Variants in BMP2 observed in about 807,000 individuals in gnomAD.
BMP2 encodes the protein bone morphogenetic protein 2, also known as bone morphogenetic protein 2A.
BMP2 carries 2 observed loss-of-function variants against 28.8 expected under a neutral mutation model. The ratio of observed to expected loss-of-function variants is 0.07; its 90% CI spans 0.03 to 0.22. The LOEUF (loss-of-function observed/expected upper bound fraction) is 0.22. BMP2 is among the 10% of genes least tolerant of loss of function. The probability of loss-of-function intolerance (pLI) is 1.00; values close to 1 mark genes in which losing one functional copy is unlikely to be tolerated. For synonymous variants in BMP2, 218 were observed against 204.3 expected, an observed-to-expected ratio of 1.07 and a Z score of -0.57; for missense variants, 437 against 517.7, an observed-to-expected ratio of 0.84 and a Z score of 1.51.
At chr20:6,774,362 C>T (rs13043599) in intron 2 of BMP2, among the ~76,000 whole-genome samples, 8,272 of 152,050 alleles carry the variant, frequency 0.054, 316 homozygotes, top group Admixed American at 0.11. Flanking sequence ...CACATCTCTA[C>T]TAAAATATAA....
At position 6,770,211 on chromosome 20, in the gene BMP2, G is replaced by A. The variant is rs1266876327; in HGVS notation, c.85G>A (p.Gly29Ser). Residue 29 changes from glycine to serine, a missense_variant, in exon 2 of 3, where the codon GGC becomes AGC. Around this residue, in one of 2 missense-constraint regions of BMP2, gnomAD observed 363 missense variants for 392.8 expected, o/e 0.92. Transcript: ENST00000378827. Reference protein sequence around the residue: ...GGAAGLVPELGRRKFAAASSG... With the variant: ...GGAAGLVPELSRRKFAAASSG... ...CGCGGCTGGCCTCGTTCCGGAGCTGGGCCGCAGGAAGTTCGCGGCGGCGTC... is the reference window on the plus strand; with the variant it reads ...CGCGGCTGGCCTCGTTCCGGAGCTGAGCCGCAGGAAGTTCGCGGCGGCGTC... 1 of 1,594,932 alleles carries A rather than the reference G, an allele frequency of 6.3e-7. No individual in the cohort carries two copies. The highest frequency in any genetic ancestry group is 1.7e-5 in the Admixed American group (1 of 57,616).
At chr20:6,775,747 C>G (rs1355891838) in intron 2 of BMP2, among the ~76,000 whole-genome samples, 1 of 152,146 alleles carries the variant, frequency 6.6e-6, no homozygotes, top group Non-Finnish European at 1.5e-5. Context: ...GTCCCTCATA[C>G]TTGACTTGTA....
Position 6,770,268 on chromosome 20 carries a change from G to C in BMP2, c.142G>C (p.Glu48Gln). 6.2e-7 allele frequency: 1 copy of C among 1,612,724 alleles called. No individual in the cohort carries two copies. Among genetic ancestry groups the C allele is most frequent in the East Asian group, 2.2e-5 (1 of 44,762 alleles). The stretch of plus-strand genomic sequence containing the variant: ...CCGCCCCTCATCCCAGCCCTCTGAC[G>C]AGGTCCTGAGCGAGTTCGAGTTGCG... ...SGRPSSQPSD[E>Q]VLSEFELRLL... Residue 48 changes from glutamate to glutamine, a missense_variant, in exon 2 of 3, where the codon GAG becomes CAG. By Grantham distance (29) the Glu-to-Gln change is conservative (BLOSUM62 2). This residue lies in a region of BMP2 where 363 missense variants were observed against 392.8 expected (regional missense o/e 0.92). Coordinates refer to ENST00000378827, the MANE Select transcript of BMP2 (RefSeq NM_001200.4).
rs1986322163 is a variant in BMP2 at position 6,768,856 on chromosome 20, C to A, written c.-27C>A. 4 of 314,736 alleles carry A rather than the reference C, an allele frequency of 1.3e-5. No homozygotes were observed. The South Asian group carries it at 4.4e-4, about 35-fold the overall frequency. The allele number at this position is 314,736 out of a possible 1,614,324, so 19.5% of individuals were successfully genotyped here. Reference sequence around the variant, plus strand: ...GACGTGTCCCCGCGTGCTTCTTAGACGGACTGCGGTCTCCTAAAGGTAGAG... The same window carrying A: ...GACGTGTCCCCGCGTGCTTCTTAGAAGGACTGCGGTCTCCTAAAGGTAGAG... On this transcript the variant is annotated 5_prime_UTR_variant, in exon 1 of 3. Coordinates refer to ENST00000378827, the MANE Select transcript of BMP2 (RefSeq NM_001200.4).
At position 6,778,527 on chromosome 20, in the gene BMP2, C is replaced by T. The variant is rs937303269; in HGVS notation, c.629C>T (p.Thr210Ile). 3 of 1,614,128 alleles carry T rather than the reference C, an allele frequency of 1.9e-6. No individual in the cohort carries two copies. The highest frequency in any genetic ancestry group is 8.5e-7 in the Non-Finnish European group (1 of 1,180,016). The stretch of plus-strand genomic sequence containing the variant: ...AGCAGGTGGGAAAGTTTTGATGTCA[C>T]CCCCGCTGTGATGCGGTGGACTGCA... ...NASRWESFDV[T>I]PAVMRWTAQG... The change falls in exon 3 of 3, where the codon ACC (threonine) becomes ATC (isoleucine). Residue 210 changes from threonine to isoleucine, a missense_variant. Thr to Ile is a moderately conservative substitution (Grantham distance 89, BLOSUM62 -1). Transcript: ENST00000378827. This position sits in a 1 kb window ranked among gnomAD's most constrained non-coding sequence, Gnocchi z 5.0.
chr20:6,767,775 C>A lies in BMP2; in HGVS notation c.-1108C>A. 3.8e-6 allele frequency: 1 copy of A among 260,042 alleles called. No homozygotes were observed. Among genetic ancestry groups the A allele is most frequent in the South Asian group, 1.5e-4 (1 of 6,596 alleles). 16.1% of individuals were successfully genotyped at this position (260,042 alleles called of 1,614,324 possible). On this transcript the variant is annotated 5_prime_UTR_variant, in exon 1 of 3. Transcript: ENST00000378827. The stretch of plus-strand genomic sequence containing the variant: ...GCTAGTCGCTCCGCTTCCCACACCC[C>A]GCCGGGGACTGGCAGCCGCCGCCGC...
Position 6,768,659 on chromosome 20 carries a change from C to G in BMP2, c.-224C>G. ...CTGCTTCGCCATCTCCGAGCCCCACCGCCCCTCCACTCCTCGGCCTTGCCC... is the reference window on the plus strand; with the variant it reads ...CTGCTTCGCCATCTCCGAGCCCCACGGCCCCTCCACTCCTCGGCCTTGCCC... On this transcript the variant is annotated 5_prime_UTR_variant, in exon 1 of 3. Transcript: ENST00000378827. 2.5e-6 allele frequency: 1 copy of G among 396,382 alleles called. No homozygotes were observed. The highest frequency in any genetic ancestry group is 3.6e-5 in the East Asian group (1 of 27,928). The allele number at this position is 396,382 out of a possible 1,614,324, so 24.6% of individuals were successfully genotyped here.
chr20:6,770,239 C>G lies in BMP2; in HGVS notation c.113C>G (p.Ser38Trp). 6.2e-7 allele frequency: 1 copy of G among 1,605,822 alleles called. No individual in the cohort carries two copies. The highest frequency in any genetic ancestry group is 8.5e-7 in the Non-Finnish European group (1 of 1,176,622). The change falls in exon 2 of 3, where the codon TCG becomes TGG. Residue 38 changes from serine (S) to tryptophan (W), a missense_variant. Transcript: ENST00000378827. ...CGCAGGAAGTTCGCGGCGGCGTCGT[C>G]GGGCCGCCCCTCATCCCAGCCCTCT... Reference protein sequence around the residue: ...LGRRKFAAASSGRPSSQPSDE... With the variant: ...LGRRKFAAASWGRPSSQPSDE...
rs2122394312 is a variant in BMP2 at position 6,780,210 on chromosome 20, A to G, written c.*1121A>G. On this transcript the variant is annotated 3_prime_UTR_variant, in exon 3 of 3. Coordinates refer to ENST00000378827, the MANE Select transcript of BMP2 (RefSeq NM_001200.4). ...GTTTGAACACATTTCTCCAAATGTTAAACCTATTTCAGATAATAAATATCA... is the reference window on the plus strand; with the variant it reads ...GTTTGAACACATTTCTCCAAATGTTGAACCTATTTCAGATAATAAATATCA... 6.5e-6 allele frequency: 1 copy of G among 152,746 alleles called. No individual in the cohort carries two copies. Among genetic ancestry groups the G allele is most frequent in the Middle Eastern group, 3.4e-3 (1 of 294 alleles). 9.5% of individuals were successfully genotyped at this position (152,746 alleles called of 1,614,324 possible).
In BMP2 at chr20:6,767,824, C is replaced by A. The variant is rs1220746675; in HGVS notation, c.-1059C>A. ...GCACATCTGCCGCCACAGCCTCCGC[C>A]GGCTACCCGAACGTTCTCGGGGCCA... On this transcript the variant is annotated 5_prime_UTR_variant, in exon 1 of 3. Coordinates refer to ENST00000378827, the MANE Select transcript of BMP2 (RefSeq NM_001200.4). 8.9e-6 allele frequency: 3 copies of A among 335,918 alleles called. No individual in the cohort carries two copies. The highest frequency in any genetic ancestry group is 1.6e-5 in the Non-Finnish European group (3 of 186,402). The allele number at this position is 335,918 out of a possible 1,614,324, so 20.8% of individuals were successfully genotyped here.
In BMP2 at chr20:6,768,402, C is replaced by T; in HGVS notation, c.-481C>T. ...GAGCTAGCGCGGAGCGCCCGACCCT[C>T]GACCCCCGAGTCCCGGAGCCGGCCC... On this transcript the variant is annotated 5_prime_UTR_variant, in exon 1 of 3. Coordinates refer to ENST00000378827, the MANE Select transcript of BMP2 (RefSeq NM_001200.4). 1 of 394,670 alleles carries T rather than the reference C, an allele frequency of 2.5e-6. No individual in the cohort carries two copies. The highest frequency in any genetic ancestry group is 4.5e-6 in the Non-Finnish European group (1 of 223,968). The allele number at this position is 394,670 out of a possible 1,614,324, so 24.4% of individuals were successfully genotyped here. A position where few individuals can be genotyped will look rare whatever the true frequency, so the allele number is the denominator to read the frequency against.
rs1399327645 is a variant in BMP2, at chr20:6,768,517, A to G, written c.-366A>G. 6 of 390,006 alleles carry G rather than the reference A, an allele frequency of 1.5e-5. No individual in the cohort carries two copies. Among genetic ancestry groups the G allele is most frequent in the South Asian group, 1.5e-4 (1 of 6,838 alleles). The allele number at this position is 390,006 out of a possible 1,614,324, so 24.2% of individuals were successfully genotyped here. A position where few individuals can be genotyped will look rare whatever the true frequency, so the allele number is the denominator to read the frequency against. On this transcript the variant is annotated 5_prime_UTR_variant, in exon 1 of 3. Coordinates refer to ENST00000378827, the MANE Select transcript of BMP2 (RefSeq NM_001200.4). ...TTCTCCCTTCCCTTCCCTGCCCCGCACTCCTCCCCCTGCTCGCTGTTGTTG... is the reference window on the plus strand; with the variant it reads ...TTCTCCCTTCCCTTCCCTGCCCCGCGCTCCTCCCCCTGCTCGCTGTTGTTG...
intron 1 of BMP2, 93 bp from the exon 2 acceptor site, chr20:6,770,027 G>A: frequency 2.3e-6 from 3 of 1,318,002 alleles, no homozygotes; most frequent in Non-Finnish European, 3.1e-6. Context: ...CCTGGAGGAG[G>A]CACGCCAGCC....
rs1037824978 is a variant in BMP2 at position 6,768,161 on chromosome 20, C to T, written c.-722C>T. 1.5e-5 allele frequency: 6 copies of T among 398,054 alleles called. No individual in the cohort carries two copies. Among genetic ancestry groups the T allele is most frequent in the Non-Finnish European group, 1.8e-5 (4 of 225,798 alleles). 24.7% of individuals were successfully genotyped at this position (398,054 alleles called of 1,614,324 possible). On this transcript the variant is annotated 5_prime_UTR_variant, in exon 1 of 3. Coordinates refer to ENST00000378827, the MANE Select transcript of BMP2 (RefSeq NM_001200.4). ...GGGAGAGCACAGCCACCCGCCTCGG[C>T]GGCCCGGGACTCGGCTCGACTCGCC... is the stretch of plus-strand genomic sequence containing the variant.
chr20:6,776,304 C>G (rs904822269), intron 2 of BMP2, among the ~76,000 whole-genome samples: 1 of 152,108 alleles, frequency 6.6e-6, no homozygotes, highest in Non-Finnish European at 1.5e-5. Context: ...CACAAGGGAA[C>G]CCTAAAGGAC....
chr20:6,779,145 A>G lies in BMP2; in HGVS notation c.*56A>G. The stretch of plus-strand genomic sequence containing the variant: ...ATATATATATATTTTAGAAAAAAGA[A>G]AAAAACAAACAAACAAAAAAACCCC... On this transcript the variant is annotated 3_prime_UTR_variant, in exon 3 of 3. Transcript: ENST00000378827. The G allele has an allele frequency of 1.1e-6, 1 of 937,066 alleles. No individual in the cohort carries two copies. The highest frequency in any genetic ancestry group is 1.7e-5 in the African/African-American group (1 of 58,298). 58.0% of individuals were successfully genotyped at this position (937,066 alleles called of 1,614,324 possible).
At position 6,770,195 on chromosome 20, in the gene BMP2, C is replaced by T. The variant is rs762563014; in HGVS notation, c.69C>T (p.Gly23=). 5 of 1,586,396 alleles carry T rather than the reference C, an allele frequency of 3.2e-6. No homozygotes were observed. The highest frequency in any genetic ancestry group is 3.4e-6 in the Non-Finnish European group (4 of 1,167,446). Residue 23 remains glycine (G), a synonymous_variant, in exon 2 of 3, where the codon GGC becomes GGT. Transcript: ENST00000378827. ...AGGTCCTCCTGGGCGGCGCGGCTGG[C>T]CTCGTTCCGGAGCTGGGCCGCAGGA... ...LPQVLLGGAA[G]LVPELGRRKF...
Position 6,779,044 on chromosome 20 carries a change from A to G in BMP2, c.1146A>G (p.Leu382=). The G allele has an allele frequency of 5.0e-6, 8 of 1,613,164 alleles. No homozygotes were observed. Among genetic ancestry groups the G allele is most frequent in the Non-Finnish European group, 6.8e-6 (8 of 1,179,852 alleles). ...TTGACGAGAATGAAAAGGTTGTATT[A>G]AAGAACTATCAGGACATGGTTGTGG... ...LYLDENEKVV[L]KNYQDMVVEG... Residue 382 remains leucine, a synonymous_variant, in exon 3 of 3, where the codon TTA becomes TTG. Coordinates refer to ENST00000378827, the MANE Select transcript of BMP2 (RefSeq NM_001200.4).
intron 1 of BMP2, among the ~76,000 whole-genome samples, chr20:6,769,175 A>G (rs921196551): frequency 9.2e-5 from 14 of 152,152 alleles, no homozygotes; most frequent in African/African-American, 4.8e-5. Context: ...TAATTTTTTT[A>G]AAAACTTTTT....
Sources: gnomAD v4.1 joint callset for allele counts (sites outside exome capture counted in the v4.1 genomes callset) on GRCh38, gnomAD v4.1.1 for gene constraint, gnomAD v4.1.1 regional missense constraint, Gnocchi (gnomAD v3.1) non-coding constraint, MANE v1.5 for transcripts, NCBI Gene and HGNC (gene_info 2026-07-23, HGNC 2026-07-21) for gene names.